The following SRP54 variants were observed in gnomAD, a reference collection of about 807,000 sequenced individuals.
The protein encoded by SRP54 is signal recognition particle 54, also known as signal recognition particle subunit SRP54.
A neutral mutation model predicts 64.8 loss-of-function variants in SRP54; 10 were observed. The ratio of observed to expected loss-of-function variants is 0.15; its 90% CI spans 0.10 to 0.26. SRP54 has a LOEUF of 0.26. Among genes scored for constraint, SRP54 ranks in the 10% least tolerant of loss-of-function variants. The probability of loss-of-function intolerance (pLI) is 1.00; values close to 1 mark genes in which losing one functional copy is unlikely to be tolerated. For missense variants in SRP54, 325 were observed against 613.7 expected, an observed-to-expected ratio of 0.53 and a Z score of 4.97; for synonymous variants, 193 against 185.6, an observed-to-expected ratio of 1.04 and a Z score of -0.32.
chr14:35,001,142 T>C (rs2044164167), intron 4 of SRP54, 122 bp downstream of exon 4: 1 of 386,038 alleles, frequency 2.6e-6, no homozygotes, highest in Non-Finnish European at 4.4e-6. Flanking sequence ...TATTAAAATA[T>C]TAATGAAAGG....
At chr14:35,021,842 C>A (rs1423332349) in intron 13 of SRP54, among the ~76,000 whole-genome samples, 1 of 152,074 alleles carries the variant, frequency 6.6e-6, no homozygotes, top group African/African-American at 2.4e-5. Flanking sequence ...GCTAGATAAC[C>A]ATTTATTTGG....
Position 35,014,796 on chromosome 14 carries a change from T to C in SRP54, c.939T>C (p.Asp313=). The change falls in exon 11 of 16, where the codon GAT becomes GAC. Residue 313 remains aspartate, a synonymous_variant. Coordinates refer to ENST00000216774, the MANE Select transcript of SRP54 (RefSeq NM_003136.4). ...ATAAAGTCAACGAGTTGAAGTTGGA[T>C]GACAATGAAGCACTTATAGAGAAGT... ...LIDKVNELKL[D]DNEALIEKLK... The C allele has an allele frequency of 6.2e-7, 1 of 1,613,984 alleles. No individual in the cohort carries two copies. Among genetic ancestry groups the C allele is most frequent in the Admixed American group, 1.7e-5 (1 of 60,000 alleles).
At chr14:35,016,473 G>T (rs2044439657) in intron 11 of SRP54, among the ~76,000 whole-genome samples, 1 of 152,026 alleles carries the variant, frequency 6.6e-6, no homozygotes, top group Non-Finnish European at 1.5e-5. Flanking sequence ...TGTTGCCTTT[G>T]CCAGTCCCTC....
chr14:35,014,636 C>A (rs902213322), intron 10 of SRP54, 108 bp from the exon 11 acceptor site: 2 of 837,716 alleles, frequency 2.4e-6, no homozygotes, highest in East Asian at 5.0e-5. Context: ...AGTAAGAATA[C>A]CTAACCTATT....
Position 35,029,145 on chromosome 14 carries a change from A to G in SRP54, c.1508A>G (p.Asn503Ser). 6.2e-7 allele frequency: 1 copy of G among 1,613,498 alleles called. No individual in the cohort carries two copies. Among genetic ancestry groups the G allele is most frequent in the Non-Finnish European group, 8.5e-7 (1 of 1,179,714 alleles). Reference protein sequence around the residue: ...GNMKGMMGFNNM With the variant: ...GNMKGMMGFNSM ...ATGAAAGGCATGATGGGATTCAATA[A>G]TATGTAAAGAAAATGCCTTAATATA... The change falls in exon 16 of 16, where the codon AAT becomes AGT. Residue 503 changes from asparagine (N) to serine (S), a missense_variant. Around this residue, in one of 3 missense-constraint regions of SRP54, gnomAD observed 23 missense variants for 21.7 expected, o/e 1.06. Transcript: ENST00000216774.
At chr14:34,991,104 CTTTTCTT>C (rs1345141799) in intron 1 of SRP54, among the ~76,000 whole-genome samples, 5 of 107,024 alleles carry the variant, frequency 4.7e-5, no homozygotes, top group Admixed American at 1.0e-4. Flanking sequence ...GGTTAAATTT[CTTTTCTT>C]TTTTTTTTTT....
At chr14:35,028,032 A>T in intron 14 of SRP54, 56 bp from the exon 15 acceptor site, 1 of 1,165,998 alleles carries the variant, frequency 8.6e-7, no homozygotes, top group Non-Finnish European at 1.3e-6. Flanking sequence ...TACCCTGATT[A>T]TACTGATTAT....
intron 4 of SRP54, among the ~76,000 whole-genome samples, chr14:35,003,555 T>G (rs982946756): frequency 1.6e-4 from 18 of 115,464 alleles, no homozygotes; most frequent in Middle Eastern, 4.7e-3. Flanking sequence ...TTGTTTTTTG[T>G]TTTTTTGGTT....
chr14:35,008,855 A>G (rs1360106144), intron 7 of SRP54, 24 bp downstream of exon 7: 11 of 1,533,730 alleles, frequency 7.2e-6, no homozygotes, highest in Non-Finnish European at 8.9e-6. Flanking sequence ...TTTTATTTTA[A>G]CACTTATATC....
chr14:34,989,711 T>C (rs1479746105), intron 1 of SRP54, among the ~76,000 whole-genome samples: 3 of 152,130 alleles, frequency 2.0e-5, no homozygotes, highest in Non-Finnish European at 4.4e-5. Context: ...GGACAGACAC[T>C]TCTGTAAGAT....
chr14:35,010,668 G>A (rs2044341879), intron 7 of SRP54, among the ~76,000 whole-genome samples: 1 of 152,000 alleles, frequency 6.6e-6, no homozygotes, highest in African/African-American at 2.4e-5. Context: ...GGGAGGCTGA[G>A]GCACGAGAAT....
intron 1 of SRP54, among the ~76,000 whole-genome samples, chr14:34,995,025 T>A (rs1376173200): frequency 6.9e-6 from 1 of 144,908 alleles, no homozygotes; most frequent in Non-Finnish European, 1.5e-5. Context: ...CAAGTGATCC[T>A]CCTTCCTTGG....
intron 2 of SRP54, among the ~76,000 whole-genome samples, chr14:34,998,821 C>CAA (rs1172170156): frequency 3.1e-5 from 4 of 129,108 alleles, no homozygotes; most frequent in Non-Finnish European, 6.7e-5. Flanking sequence ...AACTCTGTTC[C>CAA]AAAAAAAAAA....
chr14:35,015,533 G>T (rs1006555980), intron 11 of SRP54, among the ~76,000 whole-genome samples: 7 of 152,106 alleles, frequency 4.6e-5, no homozygotes, highest in Non-Finnish European at 8.8e-5. Flanking sequence ...ACCTGTTTTT[G>T]TATCTCTGAT....
At chr14:34,993,429 A>G (rs189836381) in intron 1 of SRP54, 1 of 152,306 alleles carries the variant, frequency 6.6e-6, no homozygotes, top group African/African-American at 2.4e-5. Flanking sequence ...ATGTAATTGT[A>G]AAAAAATCTT....
At chr14:35,008,732 T>G (rs1393113737) in intron 6 of SRP54, 39 bp downstream of exon 6, 1 of 1,604,696 alleles carries the variant, frequency 6.2e-7, no homozygotes, top group Non-Finnish European at 8.5e-7. Flanking sequence ...TATATAATTT[T>G]TATTTTCAAG....
chr14:35,005,596 A>G (rs968302673), intron 4 of SRP54, among the ~76,000 whole-genome samples: 15 of 151,870 alleles, frequency 9.9e-5, no homozygotes, highest in African/African-American at 3.1e-4. Context: ...AGATCTTGCT[A>G]TGCTGCCCAA....
At chr14:35,007,630 A>C (rs1467080798) in intron 5 of SRP54, among the ~76,000 whole-genome samples, 1 of 110,014 alleles carries the variant, frequency 9.1e-6, no homozygotes, top group Non-Finnish European at 2.0e-5. Context: ...TTATTAAAAT[A>C]TATTTATATT....
chr14:34,995,442 TC>T (rs1172765541), intron 1 of SRP54, among the ~76,000 whole-genome samples: 3 of 152,044 alleles, frequency 2.0e-5, no homozygotes, highest in Admixed American at 6.6e-5. Context: ...AAAGCTGATG[TC>T]CCTGTTAGCA....
Sources: gnomAD v4.1 joint callset for allele counts (sites outside exome capture counted in the v4.1 genomes callset) on GRCh38, gnomAD v4.1.1 for gene constraint, gnomAD v4.1.1 regional missense constraint, MANE v1.5 for transcripts, NCBI Gene and HGNC (gene_info 2026-07-23, HGNC 2026-07-21) for gene names.